Variants in DNAJC16 observed in about 807,000 individuals in gnomAD.
DNAJC16 encodes dnaJ homolog subfamily C member 16.
DNAJC16 carries 76 observed loss-of-function variants against 92.7 expected under a neutral mutation model. The ratio of observed to expected loss-of-function variants is 0.82; its 90% confidence interval spans 0.68 to 0.99. The LOEUF is 0.99. Among genes scored for constraint, DNAJC16 ranks in the 50% least tolerant of loss-of-function variants. DNAJC16 has a pLI of 0.00. For synonymous variants in DNAJC16, 328 were observed against 358.7 expected (o/e 0.91, Z 0.97); for missense variants, 869 against 942.4 (o/e 0.92, Z 1.02).
rs1557591313 is a variant in DNAJC16 at position 15,568,247 on chromosome 1, A to T, written c.*70A>T. 1 of 1,255,074 alleles carries T rather than the reference A, an allele frequency of 8.0e-7. No individual in the cohort carries two copies. Among genetic ancestry groups the T allele is most frequent in the Non-Finnish European group, 1.1e-6 (1 of 894,878 alleles). 77.7% of individuals were successfully genotyped at this position (1,255,074 alleles called of 1,614,324 possible). A position where few individuals can be genotyped will look rare whatever the true frequency, so the allele number is the denominator to read the frequency against. ...GCCCCTGTGAACAGGTATTTTCAGGACTCAAACTACCACAATGAACAGAGT... is the reference window on the plus strand; with the variant it reads ...GCCCCTGTGAACAGGTATTTTCAGGTCTCAAACTACCACAATGAACAGAGT... On this transcript the variant is annotated 3_prime_UTR_variant, in exon 15 of 15. Transcript: ENST00000375847.
chr1:15,534,309 G>T lies in DNAJC16; in HGVS notation c.234+6G>T. The stretch of plus-strand genomic sequence containing the variant: ...AAATCAGTAAGGCTTACGAGGTATC[G>T]TGTCCAGCTTTGTGATGCATCCATT... On this transcript the variant is annotated splice_donor_region_variant and intron_variant, in intron 3 of 14. Coordinates refer to ENST00000375847, the MANE Select transcript of DNAJC16 (RefSeq NM_015291.4). The T allele has an allele frequency of 6.2e-7, 1 of 1,613,718 alleles. No individual in the cohort carries two copies. The highest frequency in any genetic ancestry group is 1.6e-4 in the Middle Eastern group (1 of 6,062).
chr1:15,560,191 A>T lies in DNAJC16; in HGVS notation c.1154+535A>T, dbSNP rs547788142. On this transcript the variant is annotated intron_variant, in intron 8 of 14. Transcript: ENST00000375847. ...CAGCCTGTCCTAGTGGTCAGAGAAG[A>T]TTTCCCTAAGATGTAACATTTCAGC... 10 of 152,366 alleles carry T rather than the reference A, an allele frequency of 6.6e-5. No homozygotes were observed. In the East Asian group the frequency reaches 1.7e-3, roughly 27 times the overall value. 9.4% of individuals were successfully genotyped at this position (152,366 alleles called of 1,614,324 possible). A position where few individuals can be genotyped will look rare whatever the true frequency, so the allele number is the denominator to read the frequency against.
At chr1:15,554,638 T>C (rs1334783701) in intron 7 of DNAJC16, among the ~76,000 whole-genome samples, 1 of 151,488 alleles carries the variant, frequency 6.6e-6, no homozygotes, top group East Asian at 1.9e-4. Context: ...TTTGTACTTT[T>C]TGTATATATT....
At chr1:15,548,541 G>A in intron 7 of DNAJC16, 113 bp downstream of exon 7, 1 of 1,052,620 alleles carries the variant, frequency 9.5e-7, no homozygotes, top group Non-Finnish European at 1.3e-6. Context: ...TCCTTCAGAT[G>A]CACAAAATTT....
rs1390806536 is a variant in DNAJC16, at chr1:15,564,295, C to T, written c.1534C>T (p.Arg512Ter). 2.5e-6 allele frequency: 4 copies of T among 1,608,630 alleles called. No homozygotes were observed. The highest frequency in any genetic ancestry group is 1.7e-5 in the Admixed American group (1 of 59,990). ...TCTCTCTACATAGGTTTTTCTCCTTCGATGGTTCTACTCTGCTTCTGACTA... is the reference window on the plus strand; with the variant it reads ...TCTCTCTACATAGGTTTTTCTCCTTTGATGGTTCTACTCTGCTTCTGACTA... ...TDELAPVFLL[R>*]WFYSASDYIS... The change falls in exon 11 of 15, where the codon CGA becomes TGA. Residue 512 changes from arginine to a stop codon, truncating the protein, a stop_gained. Coordinates refer to ENST00000375847, the MANE Select transcript of DNAJC16 (RefSeq NM_015291.4). LOFTEE classifies it high-confidence loss of function.
At chr1:15,540,908 T>C (rs1421622500) in intron 4 of DNAJC16, among the ~76,000 whole-genome samples, 1 of 152,094 alleles carries the variant, frequency 6.6e-6, no homozygotes, top group East Asian at 1.9e-4. Context: ...CACTGAGAAA[T>C]TGATCCCTCT....
intron 7 of DNAJC16, among the ~76,000 whole-genome samples, chr1:15,552,041 ATT>A (rs200209856): frequency 2.0e-5 from 3 of 149,630 alleles, no homozygotes; most frequent in South Asian, 2.1e-4. Flanking sequence ...AAAAAAAAAA[ATT>A]TTTTTTGTTT....
intron 12 of DNAJC16, 36 bp from the exon 13 acceptor site, chr1:15,566,046 C>T: frequency 1.2e-6 from 2 of 1,611,224 alleles, no homozygotes; most frequent in South Asian, 2.2e-5. Flanking sequence ...TTGGTGTTGA[C>T]ACTTTTTTTG....
At chr1:15,559,033 A>G (rs1355756579) in intron 7 of DNAJC16, among the ~76,000 whole-genome samples, 1 of 152,100 alleles carries the variant, frequency 6.6e-6, no homozygotes, top group East Asian at 1.9e-4. Flanking sequence ...TCCGTCTCCC[A>G]GGTTCAACTG....
intron 14 of DNAJC16, 70 bp from the exon 15 acceptor site, chr1:15,567,708 G>A: frequency 6.9e-7 from 1 of 1,457,286 alleles, no homozygotes; most frequent in Non-Finnish European, 9.3e-7. Context: ...GTCTCACTGG[G>A]GTATTTATTT....
chr1:15,548,736 G>A (rs1638372934), intron 7 of DNAJC16, among the ~76,000 whole-genome samples: 1 of 152,110 alleles, frequency 6.6e-6, no homozygotes, highest in South Asian at 2.1e-4. Flanking sequence ...CAAACTAACT[G>A]AGAGAATGTA....
intron 7 of DNAJC16, among the ~76,000 whole-genome samples, chr1:15,551,493 T>C (rs1166827992): frequency 9.2e-5 from 14 of 152,180 alleles, no homozygotes; most frequent in Non-Finnish European, 1.9e-4. Flanking sequence ...TTATTGCCAG[T>C]GATAAAATTC....
chr1:15,556,690 CT>C (rs1638579835), intron 7 of DNAJC16, among the ~76,000 whole-genome samples: 1 of 151,808 alleles, frequency 6.6e-6, no homozygotes, highest in East Asian at 1.9e-4. Context: ...CATTTTATTT[CT>C]TTTTCTGACA....
chr1:15,546,849 C>T lies in DNAJC16; in HGVS notation c.842C>T (p.Pro281Leu). The change falls in exon 6 of 15, where the codon CCC (proline) becomes CTC (leucine). Residue 281 changes from proline to leucine, a missense_variant. By Grantham distance (98) the Pro-to-Leu change is moderately conservative. Transcript: ENST00000375847. ...KPHVLLFDQT[P>L]IVPLLYKLTA... ...CATGTCCTTCTGTTTGACCAAACGCCCATTGTGCCACTGTTATACAAGGTA... is the reference window on the plus strand; with the variant it reads ...CATGTCCTTCTGTTTGACCAAACGCTCATTGTGCCACTGTTATACAAGGTA... 6.2e-7 allele frequency: 1 copy of T among 1,613,302 alleles called. No individual in the cohort carries two copies. Among genetic ancestry groups the T allele is most frequent in the South Asian group, 1.1e-5 (1 of 90,952 alleles).
chr1:15,555,426 T>G (rs1638546676), intron 7 of DNAJC16, among the ~76,000 whole-genome samples: 1 of 150,792 alleles, frequency 6.6e-6, no homozygotes, highest in Non-Finnish European at 1.5e-5. Flanking sequence ...GGCTCACGCC[T>G]GTAATCCCAG....
In DNAJC16 at chr1:15,559,557, A is replaced by C. The variant is rs1265999769; in HGVS notation, c.1055A>C (p.Asp352Ala). The C allele has an allele frequency of 2.5e-6, 4 of 1,614,130 alleles. No homozygotes were observed. The highest frequency in any genetic ancestry group is 3.4e-6 in the Non-Finnish European group (4 of 1,180,004). ...ARGMKKQIID[D>A]FITRNKYLLA... ...GGTATGAAGAAGCAAATCATTGACG[A>C]CTTCATCACCCGAAACAAATATCTA... is the stretch of plus-strand genomic sequence containing the variant. Residue 352 changes from aspartate to alanine, a missense_variant, in exon 8 of 15, where the codon GAC becomes GCC. Coordinates refer to ENST00000375847, the MANE Select transcript of DNAJC16 (RefSeq NM_015291.4).
chr1:15,565,644 T>G, intron 11 of DNAJC16: 1 of 416,430 alleles, frequency 2.4e-6, no homozygotes, highest in Non-Finnish European at 4.3e-6. Flanking sequence ...TATTATCCCT[T>G]TTATTGTTTC....
intron 8 of DNAJC16, among the ~76,000 whole-genome samples, chr1:15,561,476 G>A (rs1384545818): frequency 1.3e-5 from 2 of 152,160 alleles, no homozygotes; most frequent in Non-Finnish European, 1.5e-5. Context: ...CTTGAGGTCA[G>A]GAGTTTGAGA....
At chr1:15,566,913 G>T in intron 13 of DNAJC16, 186 bp from the exon 14 acceptor site, 1 of 503,488 alleles carries the variant, frequency 2.0e-6, no homozygotes, top group South Asian at 3.3e-5. Context: ...GCACAGAAAG[G>T]CTGTTTGTAG....
Sources: allele counts gnomAD v4.1 joint callset (sites outside exome capture counted in the v4.1 genomes callset), GRCh38; gene constraint gnomAD v4.1.1; transcripts MANE v1.5; gene names NCBI Gene and HGNC (gene_info 2026-07-23, HGNC 2026-07-21).